The following CTNND2 variants were observed in gnomAD, a reference collection of about 807,000 sequenced individuals.
CTNND2 encodes catenin delta 2, also known as catenin delta-2.
CTNND2 carries 22 observed loss-of-function variants against 144.4 expected under a neutral mutation model. The observed-to-expected ratio is 0.15, with a 90% CI of 0.11 to 0.22. The LOEUF (loss-of-function observed/expected upper bound fraction) is 0.22, where lower values mean the gene tolerates loss of function less well. CTNND2 is among the 10% of genes least tolerant of loss of function. The pLI is 1.00. For missense variants in CTNND2, 1,353 were observed against 1,618.8 expected, an observed-to-expected ratio of 0.84 and a Z score of 2.82; for synonymous variants, 751 against 695.6, an observed-to-expected ratio of 1.08 and a Z score of -1.25.
chr5:11,738,476 A>C (rs1313564896), intron 1 of CTNND2, among the ~76,000 whole-genome samples: 1 of 152,194 alleles, frequency 6.6e-6, no homozygotes, highest in African/African-American at 2.4e-5. Flanking sequence ...TTTACATTAC[A>C]CTTGGCAACA....
At chr5:11,642,669 G>T (rs1782129763) in intron 2 of CTNND2, among the ~76,000 whole-genome samples, 1 of 152,178 alleles carries the variant, frequency 6.6e-6, no homozygotes. Flanking sequence ...TGACGTTGGG[G>T]CCACAGATCC....
chr5:11,525,297 C>A (rs1244864917), intron 3 of CTNND2, among the ~76,000 whole-genome samples: 2 of 152,152 alleles, frequency 1.3e-5, no homozygotes, highest in South Asian at 4.1e-4. Flanking sequence ...GTAGTCCCTT[C>A]CCCAGGAGGC....
chr5:11,808,359 T>G (rs1792126122), intron 1 of CTNND2, among the ~76,000 whole-genome samples: 1 of 147,982 alleles, frequency 6.8e-6, no homozygotes, highest in Admixed American at 6.6e-5. Context: ...GCTGACAGTC[T>G]AGAGTGGGGA....
At chr5:10,976,806 C>T (rs1375598729) in intron 21 of CTNND2, among the ~76,000 whole-genome samples, 1 of 152,124 alleles carries the variant, frequency 6.6e-6, no homozygotes, top group Non-Finnish European at 1.5e-5. Flanking sequence ...AAATAGTAGC[C>T]CAGTATAGCT....
At chr5:11,316,628 C>T (rs1016475262) in intron 9 of CTNND2, among the ~76,000 whole-genome samples, 1 of 151,724 alleles carries the variant, frequency 6.6e-6, no homozygotes, top group Non-Finnish European at 1.5e-5. Context: ...TCTTCCAATG[C>T]TATCCCTCCC....
chr5:11,349,283 C>T (rs1467480102), intron 8 of CTNND2, among the ~76,000 whole-genome samples: 2 of 152,000 alleles, frequency 1.3e-5, no homozygotes, highest in Non-Finnish European at 1.5e-5. Context: ...GGAGAAAGGC[C>T]CTTTCACTGG....
chr5:11,208,947 G>T (rs922563769), intron 10 of CTNND2, among the ~76,000 whole-genome samples: 4 of 152,034 alleles, frequency 2.6e-5, no homozygotes, highest in Non-Finnish European at 4.4e-5. Context: ...GTTTTAATTT[G>T]TGTTTTCCTA....
At chr5:11,371,771 G>T (rs1757496106) in intron 7 of CTNND2, among the ~76,000 whole-genome samples, 2 of 152,238 alleles carry the variant, frequency 1.3e-5, no homozygotes, top group East Asian at 3.9e-4. Context: ...TAAATGCAAA[G>T]ATATAAAGAC....
chr5:11,655,578 T>C (rs1581675819), intron 2 of CTNND2, among the ~76,000 whole-genome samples: 1 of 152,112 alleles, frequency 6.6e-6, no homozygotes, highest in African/African-American at 2.4e-5. Context: ...CCAGAATAAA[T>C]TATATTAATA....
intron 8 of CTNND2, among the ~76,000 whole-genome samples, chr5:11,351,307 C>T (rs547413174): frequency 9.2e-5 from 14 of 152,258 alleles, no homozygotes; most frequent in African/African-American, 3.1e-4. Context: ...ACTCCTCTCT[C>T]GTCTCACCTG....
At chr5:11,623,941 G>C (rs1057002101) in intron 2 of CTNND2, among the ~76,000 whole-genome samples, 7 of 148,954 alleles carry the variant, frequency 4.7e-5, no homozygotes, top group Admixed American at 3.4e-4. Flanking sequence ...AATAATGAGA[G>C]ATTTCAACAC....
chr5:11,107,752 G>A (rs906434618), intron 14 of CTNND2, among the ~76,000 whole-genome samples: 3 of 152,210 alleles, frequency 2.0e-5, no homozygotes, highest in Non-Finnish European at 2.9e-5. Context: ...ACTGTCATGA[G>A]AGGCTGGGGA....
At chr5:11,196,610 C>T (rs1392440768) in intron 11 of CTNND2, among the ~76,000 whole-genome samples, 1 of 152,218 alleles carries the variant, frequency 6.6e-6, no homozygotes, top group Non-Finnish European at 1.5e-5. Context: ...TGGCTCCTTG[C>T]GACAAAAGAC....
chr5:11,396,371 T>C lies in CTNND2; in HGVS notation c.612+660A>G, dbSNP rs147611142. ...TTCTAAATAACAACATTTACATCTT[T>C]CTTGAAAAAAAAAAATTTCCAGATT... On this transcript the variant is annotated intron_variant, in intron 6 of 21. Transcript: ENST00000304623. Among the ~76,000 whole-genome samples, 1,221 of 152,004 alleles carry C rather than the reference T, an allele frequency of 8.0e-3. 9 individuals carry two copies. The highest frequency in any genetic ancestry group is 0.013 in the Admixed American group (197 of 15,284).
At chr5:11,097,321 C>T (rs1751451438) in intron 15 of CTNND2, among the ~76,000 whole-genome samples, 1 of 152,208 alleles carries the variant, frequency 6.6e-6, no homozygotes, top group Non-Finnish European at 1.5e-5. Flanking sequence ...CCTGGTGCAA[C>T]TCTGCTTTTG....
intron 1 of CTNND2, among the ~76,000 whole-genome samples, chr5:11,877,909 A>C (rs928228032): frequency 6.6e-6 from 1 of 152,172 alleles, no homozygotes; most frequent in African/African-American, 2.4e-5. Flanking sequence ...ACTATATATA[A>C]ATCCATCTAA....
chr5:11,306,253 G>A (rs1313723745), intron 9 of CTNND2, among the ~76,000 whole-genome samples: 2 of 152,214 alleles, frequency 1.3e-5, no homozygotes, highest in Admixed American at 1.3e-4. Context: ...GGAGGTGCAG[G>A]CTGAAGATAA....
intron 2 of CTNND2, among the ~76,000 whole-genome samples, chr5:11,689,678 G>A (rs1450789282): frequency 6.6e-6 from 1 of 151,924 alleles, no homozygotes; most frequent in Non-Finnish European, 1.5e-5. Context: ...TCACCACACT[G>A]CTTCTGTATT....
At chr5:11,358,680 G>C (rs1756147799) in intron 8 of CTNND2, among the ~76,000 whole-genome samples, 1 of 152,136 alleles carries the variant, frequency 6.6e-6, no homozygotes, top group South Asian at 2.1e-4. Context: ...TGAATATGCA[G>C]GTCCTATGTA....
Sources: gnomAD v4.1 joint callset for allele counts (sites outside exome capture counted in the v4.1 genomes callset) on GRCh38, gnomAD v4.1.1 for gene constraint, MANE v1.5 for transcripts, NCBI Gene and HGNC (gene_info 2026-07-23, HGNC 2026-07-21) for gene names.